The following MAGI1 variants were observed in gnomAD, a reference collection of about 807,000 sequenced individuals.
The protein encoded by MAGI1 is membrane associated guanylate kinase, WW and PDZ domain containing 1, also known as membrane-associated guanylate kinase, WW and PDZ domain-containing protein 1.
A neutral mutation model predicts 139.9 loss-of-function variants in MAGI1; 58 were observed. The observed-to-expected ratio is 0.41, with a 90% CI of 0.34 to 0.52. The LOEUF (loss-of-function observed/expected upper bound fraction) is 0.52, where lower values mean the gene tolerates loss of function less well. Among genes scored for constraint, MAGI1 ranks in the 20% least tolerant of loss-of-function variants. The probability of loss-of-function intolerance (pLI) is 0.12; values close to 1 mark genes in which losing one functional copy is unlikely to be tolerated. For missense variants in MAGI1, 1,874 were observed against 1,901.6 expected, an observed-to-expected ratio of 0.99 and a Z score of 0.27; for synonymous variants, 812 against 737.9, an observed-to-expected ratio of 1.10 and a Z score of -1.63.
intron 1 of MAGI1, among the ~76,000 whole-genome samples, chr3:65,958,089 T>C (rs2064226839): frequency 6.6e-6 from 1 of 152,152 alleles, no homozygotes; most frequent in African/African-American, 2.4e-5. Flanking sequence ...GTAACCCATA[T>C]GGACTGACTT....
chr3:65,515,789 A>T (rs2077841807), intron 2 of MAGI1, among the ~76,000 whole-genome samples: 1 of 152,126 alleles, frequency 6.6e-6, no homozygotes, highest in Non-Finnish European at 1.5e-5. Flanking sequence ...ATCAACACCA[A>T]ATCATATGGT....
intron 4 of MAGI1, among the ~76,000 whole-genome samples, chr3:65,473,639 C>CAAAA (rs35970775): frequency 2.1e-4 from 18 of 87,340 alleles, no homozygotes; most frequent in Admixed American, 4.3e-4. Flanking sequence ...TACATGTTTA[C>CAAAA]AAAAAAAAAA....
chr3:65,500,967 A>T (rs913747604), intron 2 of MAGI1, among the ~76,000 whole-genome samples: 66 of 152,220 alleles, frequency 4.3e-4, no homozygotes, highest in Admixed American at 2.8e-3. Flanking sequence ...TATCCAGGAC[A>T]GCCTCATGCA....
At chr3:65,364,195 A>T (rs1029013299) in intron 20 of MAGI1, among the ~76,000 whole-genome samples, 1 of 147,908 alleles carries the variant, frequency 6.8e-6, no homozygotes, top group East Asian at 2.0e-4. Context: ...AAAAAAAAGG[A>T]ATCTGTTTAA....
intron 10 of MAGI1, among the ~76,000 whole-genome samples, chr3:65,436,794 G>A (rs570534168): frequency 6.6e-6 from 1 of 152,102 alleles, no homozygotes; most frequent in East Asian, 1.9e-4. Context: ...TGGGCTGTGT[G>A]CTACTGGCAT....
intron 1 of MAGI1, among the ~76,000 whole-genome samples, chr3:65,860,828 T>C (rs957459153): frequency 2.0e-5 from 3 of 152,156 alleles, no homozygotes; most frequent in African/African-American, 4.8e-5. Context: ...ACAAATACAT[T>C]TGTCAAGCCA....
At chr3:65,865,318 T>G (rs1274771307) in intron 1 of MAGI1, among the ~76,000 whole-genome samples, 2 of 152,108 alleles carry the variant, frequency 1.3e-5, no homozygotes, top group African/African-American at 4.8e-5. Context: ...AAAAAAGCAC[T>G]GACCACGTGC....
intron 4 of MAGI1, among the ~76,000 whole-genome samples, chr3:65,471,352 T>C (rs976027520): frequency 6.6e-6 from 1 of 152,218 alleles, no homozygotes; most frequent in Non-Finnish European, 1.5e-5. Flanking sequence ...TCAGGGTATG[T>C]AGTGAATTTC....
intron 12 of MAGI1, among the ~76,000 whole-genome samples, chr3:65,402,601 A>T (rs964542541): frequency 6.6e-6 from 1 of 152,130 alleles, no homozygotes; most frequent in Non-Finnish European, 1.5e-5. Flanking sequence ...GCTGCACCGG[A>T]GATTTCAACC....
chr3:65,585,762 G>C (rs1008086492), intron 2 of MAGI1, among the ~76,000 whole-genome samples: 21 of 152,134 alleles, frequency 1.4e-4, no homozygotes, highest in Admixed American at 1.2e-3. Context: ...TTCTCTTGCT[G>C]TCTTTGAAGT....
intron 2 of MAGI1, among the ~76,000 whole-genome samples, chr3:65,495,513 C>A (rs564553097): frequency 1.3e-5 from 2 of 152,146 alleles, no homozygotes; most frequent in South Asian, 4.2e-4. Flanking sequence ...TTTACTGAGG[C>A]CCCAACACAT....
At chr3:65,787,387 G>C (rs950939967) in intron 1 of MAGI1, among the ~76,000 whole-genome samples, 1 of 151,592 alleles carries the variant, frequency 6.6e-6, no homozygotes, top group African/African-American at 2.4e-5. Flanking sequence ...TTCCTCTGCC[G>C]TTTTTTTAGT....
chr3:65,993,374 A>C (rs533984358), intron 1 of MAGI1, among the ~76,000 whole-genome samples: 1 of 152,336 alleles, frequency 6.6e-6, no homozygotes, highest in South Asian at 2.1e-4. Flanking sequence ...GAACCCATGT[A>C]GCTAGAGATG....
intron 1 of MAGI1, among the ~76,000 whole-genome samples, chr3:65,693,552 G>A (rs761096051): frequency 1.4e-4 from 22 of 152,126 alleles, no homozygotes; most frequent in Non-Finnish European, 2.8e-4. Context: ...ATAATTTCCT[G>A]GAGGAGCTTT....
At chr3:65,612,187 A>AT (rs2083160037) in intron 2 of MAGI1, among the ~76,000 whole-genome samples, 1 of 152,084 alleles carries the variant, frequency 6.6e-6, no homozygotes, top group Non-Finnish European at 1.5e-5. Context: ...TTGTTTGATT[A>AT]TTTTTTATTT....
At chr3:65,760,802 G>A (rs2036962653) in intron 1 of MAGI1, among the ~76,000 whole-genome samples, 1 of 152,082 alleles carries the variant, frequency 6.6e-6, no homozygotes, top group African/African-American at 2.4e-5. Context: ...GTGAAAAACA[G>A]GGTTTAAGGA....
At chr3:65,610,518 A>G (rs1376503906) in intron 2 of MAGI1, among the ~76,000 whole-genome samples, 1 of 151,780 alleles carries the variant, frequency 6.6e-6, no homozygotes, top group Non-Finnish European at 1.5e-5. Flanking sequence ...ACTGAAACAG[A>G]TATATCTTTT....
At chr3:65,933,206 G>A (rs555939061) in intron 1 of MAGI1, among the ~76,000 whole-genome samples, 2 of 152,324 alleles carry the variant, frequency 1.3e-5, no homozygotes, top group East Asian at 3.9e-4. Flanking sequence ...CTGAAGTGCA[G>A]TGGCCTAAAA....
At chr3:65,935,579 G>C (rs978641676) in intron 1 of MAGI1, among the ~76,000 whole-genome samples, 6 of 152,208 alleles carry the variant, frequency 3.9e-5, no homozygotes, top group African/African-American at 1.2e-4. Context: ...CCATGAGGCT[G>C]CTACTGCACT....
Sources: allele counts gnomAD v4.1 joint callset (sites outside exome capture counted in the v4.1 genomes callset), GRCh38; gene constraint gnomAD v4.1.1; transcripts MANE v1.5; gene names NCBI Gene and HGNC (gene_info 2026-07-23, HGNC 2026-07-21).